Variants in NUP214 observed in about 807,000 individuals in gnomAD.
NUP214 encodes the protein nuclear pore complex protein Nup214.
In NUP214, 79 loss-of-function variants were observed where a neutral mutation model predicts 196.2. That is an observed-to-expected ratio of 0.40 (90% CI 0.34 to 0.49). The LOEUF (loss-of-function observed/expected upper bound fraction) is 0.49, where lower values mean the gene tolerates loss of function less well. NUP214 is among the 20% of genes least tolerant of loss of function. The pLI, the probability that NUP214 is intolerant of heterozygous loss-of-function variation, is 0.58. For synonymous variants in NUP214, 1,020 were observed against 990.5 expected (o/e 1.03, Z -0.56); for missense variants, 2,468 against 2,539.0 (o/e 0.97, Z 0.60).
At chr9:131,218,237 T>C (rs1481262344) in intron 31 of NUP214, among the ~76,000 whole-genome samples, 1 of 152,184 alleles carries the variant, frequency 6.6e-6, no homozygotes, top group African/African-American at 2.4e-5. Context: ...TTCAATAGTT[T>C]TTGGGGTACT....
At chr9:131,204,449 G>A (rs965441959) in intron 30 of NUP214, among the ~76,000 whole-genome samples, 4 of 152,104 alleles carry the variant, frequency 2.6e-5, no homozygotes, top group Admixed American at 1.3e-4. Flanking sequence ...GAGGGCTATC[G>A]ATAGCCTCTG....
intron 26 of NUP214, chr9:131,190,445 T>G (rs776512343): frequency 1.4e-6 from 1 of 691,694 alleles, no homozygotes; most frequent in Non-Finnish European, 2.6e-6. Flanking sequence ...TCCTCTCTTT[T>G]GTTACGAGGT....
Position 131,198,843 on chromosome 9 carries a change from C to T in NUP214, c.5349C>T (p.Ser1783=). 1.2e-6 allele frequency: 2 copies of T among 1,614,170 alleles called. No homozygotes were observed. The highest frequency in any genetic ancestry group is 1.6e-4 in the Middle Eastern group (1 of 6,062). The change falls in exon 29 of 36, where the codon TCC becomes TCT. Residue 1783 remains serine (S), a synonymous_variant. Coordinates refer to ENST00000359428, the MANE Select transcript of NUP214 (RefSeq NM_005085.4). ...GAASSTSSSS[S]FSFGQSSPNT... ...CCTCAAGTACCAGTAGCTCCAGTTC[C>T]TTCTCATTTGGACAGTCTTCTCCCA... is the stretch of plus-strand genomic sequence containing the variant.
intron 29 of NUP214, among the ~76,000 whole-genome samples, chr9:131,200,802 G>A (rs531997212): frequency 1.1e-4 from 16 of 152,112 alleles, no homozygotes; most frequent in African/African-American, 3.4e-4. Context: ...CATGTTCCCA[G>A]GCCCTGTTCA....
chr9:131,129,520 C>A lies in NUP214; in HGVS notation c.592+43C>A. On this transcript the variant is annotated intron_variant, in intron 4 of 35. Coordinates refer to ENST00000359428, the MANE Select transcript of NUP214 (RefSeq NM_005085.4). ...TCACACTGTAGCATACAATCATGGT[C>A]ATCTACTTAAGAATTGATTTCTAGA... 1.9e-6 allele frequency: 3 copies of A among 1,561,234 alleles called. No homozygotes were observed. In the South Asian group the frequency reaches 3.4e-5, roughly 18 times the overall value.
At chr9:131,202,725 A>G (rs1462842148) in intron 30 of NUP214, among the ~76,000 whole-genome samples, 2 of 152,010 alleles carry the variant, frequency 1.3e-5, no homozygotes, top group Non-Finnish European at 2.9e-5. Context: ...TACAGGCGTG[A>G]GCCACTGTGC....
At chr9:131,196,502 C>G (rs1450321707) in intron 28 of NUP214, among the ~76,000 whole-genome samples, 1 of 152,156 alleles carries the variant, frequency 6.6e-6, no homozygotes, top group East Asian at 1.9e-4. Context: ...TTTGACCAGG[C>G]CTTATGGGTG....
At chr9:131,174,689 G>C (rs927250622) in intron 22 of NUP214, among the ~76,000 whole-genome samples, 1 of 151,888 alleles carries the variant, frequency 6.6e-6, no homozygotes, top group African/African-American at 2.4e-5. Flanking sequence ...CCTGACCTCA[G>C]GTGATCCACC....
chr9:131,204,640 T>C (rs901845392), intron 30 of NUP214, among the ~76,000 whole-genome samples: 2 of 152,182 alleles, frequency 1.3e-5, no homozygotes, highest in African/African-American at 4.8e-5. Context: ...TTACCTGGAA[T>C]GCATCACAGA....
intron 26 of NUP214, chr9:131,190,497 A>G (rs1833568453): frequency 1.5e-6 from 1 of 688,002 alleles, no homozygotes; most frequent in Non-Finnish European, 2.6e-6. Context: ...AAGGTTTAGA[A>G]AAGAACTTTT....
intron 32 of NUP214, 105 bp downstream of exon 32, chr9:131,223,035 A>T: frequency 9.3e-7 from 1 of 1,070,552 alleles, no homozygotes; most frequent in Non-Finnish European, 1.3e-6. Context: ...AGAGAGTAGG[A>T]TTGGAGTAAA....
intron 17 of NUP214, among the ~76,000 whole-genome samples, chr9:131,156,769 G>A (rs964635675): frequency 6.6e-6 from 1 of 151,916 alleles, no homozygotes; most frequent in Non-Finnish European, 1.5e-5. Context: ...TCATAACATC[G>A]GCAAACAGCG....
rs1564205124 is a variant in NUP214 at position 131,197,620 on chromosome 9, G to T, written c.4126G>T (p.Ala1376Ser). The change falls in exon 29 of 36, where the codon GCC becomes TCC. Residue 1376 changes from alanine (A) to serine (S), a missense_variant. By Grantham distance (99) the Ala-to-Ser change is moderately conservative (BLOSUM62 1). This residue lies in a region of NUP214 where 1,801 missense variants were observed against 1,779.4 expected (regional missense o/e 1.01). Coordinates refer to ENST00000359428, the MANE Select transcript of NUP214 (RefSeq NM_005085.4). ...SGVPSGFNFT[A>S]PPVLGKHTEP... ...CGTGCCCTCAGGGTTTAATTTTACT[G>T]CCCCCCCGGTGTTAGGGAAGCACAC... 6.2e-7 allele frequency: 1 copy of T among 1,613,804 alleles called. No individual in the cohort carries two copies. Among genetic ancestry groups the T allele is most frequent in the Admixed American group, 1.7e-5 (1 of 59,980 alleles).
intron 30 of NUP214, among the ~76,000 whole-genome samples, chr9:131,211,867 A>C (rs1221398583): frequency 6.6e-6 from 1 of 152,230 alleles, no homozygotes; most frequent in South Asian, 2.1e-4. Flanking sequence ...TTTGAACAAT[A>C]TGAAATCTGG....
intron 14 of NUP214, among the ~76,000 whole-genome samples, chr9:131,149,446 C>T (rs1832187226): frequency 6.7e-6 from 1 of 149,762 alleles, no homozygotes; most frequent in Non-Finnish European, 1.5e-5. Context: ...GCCCCAAGCC[C>T]CGAAGCATCC....
chr9:131,149,374 C>A (rs1588132799), intron 14 of NUP214, among the ~76,000 whole-genome samples: 1 of 151,474 alleles, frequency 6.6e-6, no homozygotes, highest in South Asian at 2.1e-4. Context: ...ATTTCTGTCT[C>A]CCCTAGAGGC....
At chr9:131,209,335 C>A (rs936601668) in intron 30 of NUP214, among the ~76,000 whole-genome samples, 1 of 152,120 alleles carries the variant, frequency 6.6e-6, no homozygotes, top group Admixed American at 6.5e-5. Context: ...GAGCTATGTT[C>A]CTATCACTGC....
Position 131,174,079 on chromosome 9 carries a change from T to G in NUP214, c.2918T>G (p.Leu973Arg). The change falls in exon 22 of 36, where the codon CTG (leucine) becomes CGG (arginine). Residue 973 changes from leucine to arginine, a missense_variant. Physicochemically the swap from Leu to Arg is moderately radical, Grantham distance 102 (BLOSUM62 -2). This residue lies in a region of NUP214 where 1,801 missense variants were observed against 1,779.4 expected (regional missense o/e 1.01). Transcript: ENST00000359428. ...GCCAGCCTGTCTCGATCAGCCTTTCTGTCTCAGAGATATTATGAAGACTTG... is the reference window on the plus strand; with the variant it reads ...GCCAGCCTGTCTCGATCAGCCTTTCGGTCTCAGAGATATTATGAAGACTTG... Reference protein sequence around the residue: ...APASLSRSAFLSQRYYEDLDE... With the variant: ...APASLSRSAFRSQRYYEDLDE... 6.2e-7 allele frequency: 1 copy of G among 1,613,240 alleles called. No individual in the cohort carries two copies. Among genetic ancestry groups the G allele is most frequent in the Non-Finnish European group, 8.5e-7 (1 of 1,179,694 alleles).
At chr9:131,185,356 C>T (rs905108275) in intron 24 of NUP214, among the ~76,000 whole-genome samples, 3 of 152,216 alleles carry the variant, frequency 2.0e-5, no homozygotes, top group African/African-American at 7.2e-5. Flanking sequence ...TGATCTGTGC[C>T]TCTGTCGCTC....
Sources: allele counts gnomAD v4.1 joint callset (sites outside exome capture counted in the v4.1 genomes callset), GRCh38; gene constraint gnomAD v4.1.1; regional missense constraint gnomAD v4.1.1; transcripts MANE v1.5; gene names NCBI Gene and HGNC (gene_info 2026-07-23, HGNC 2026-07-21).